Variants in TPRN observed in about 807,000 individuals in gnomAD.
The protein encoded by TPRN is chromosome 9 open reading frame 75.
A neutral mutation model predicts 42.6 loss-of-function variants in TPRN; 32 were observed. That is an observed-to-expected ratio of 0.75 (90% CI 0.57 to 1.01). The LOEUF (loss-of-function observed/expected upper bound fraction) is 1.01, where lower values mean the gene tolerates loss of function less well. Ranked by LOEUF, TPRN falls within the 50% of genes least tolerant of loss-of-function variation. The pLI, the probability that TPRN is intolerant of heterozygous loss-of-function variation, is 0.00. For synonymous variants in TPRN, 541 were observed against 445.6 expected, an observed-to-expected ratio of 1.21 and a Z score of -2.70; for missense variants, 1,095 against 957.5, an observed-to-expected ratio of 1.14 and a Z score of -1.90.
chr9:137,195,808 G>A (rs1007399448), intron 1 of TPRN, among the ~76,000 whole-genome samples: 1 of 152,186 alleles, frequency 6.6e-6, no homozygotes, highest in African/African-American at 2.4e-5. Context: ...AAGCTACAGC[G>A]CCGAGTCTCA....
intron 1 of TPRN, among the ~76,000 whole-genome samples, chr9:137,197,273 A>G (rs571401831): frequency 2.7e-4 from 41 of 151,948 alleles, no homozygotes; most frequent in Admixed American, 7.2e-4. Context: ...TAATTTTTTT[A>G]TATCTTCTTA....
intron 1 of TPRN, among the ~76,000 whole-genome samples, chr9:137,198,149 C>G (rs1407025128): frequency 6.6e-6 from 1 of 152,202 alleles, no homozygotes; most frequent in African/African-American, 2.4e-5. Context: ...CCCCAGGCGC[C>G]CCCCCTCAGT....
At chr9:137,193,728 C>T (rs1033442843) in intron 1 of TPRN, 10 of 152,390 alleles carry the variant, frequency 6.6e-5, no homozygotes, top group African/African-American at 1.9e-4. Context: ...TAAACTCTTC[C>T]TGGGCACAGG....
rs554413595 is a variant in TPRN, at chr9:137,199,450, G to C, written c.1262C>G (p.Pro421Arg). Residue 421 changes from proline (P) to arginine (R), a missense_variant, in exon 1 of 4, where the codon CCC (proline) becomes CGC (arginine). Pro to Arg is a moderately radical substitution (Grantham distance 103). Transcript: ENST00000409012. ...TTCTTCCGAAGCAGCCGGCAGGAAGGGGGGCGGTGAGGACGGCCTCTGCCA... is the reference window on the plus strand; with the variant it reads ...TTCTTCCGAAGCAGCCGGCAGGAAGCGGGGCGGTGAGGACGGCCTCTGCCA... ...IRWQRPSSPP[P>R]FLPAASEEAE... The C allele has an allele frequency of 1.8e-4, 286 of 1,608,096 alleles. 1 individual carries two copies. The highest frequency in any genetic ancestry group is 1.3e-3 in the Admixed American group (80 of 59,422).
chr9:137,195,110 A>C (rs1834686350), intron 1 of TPRN: 1 of 152,520 alleles, frequency 6.6e-6, no homozygotes, highest in Admixed American at 6.5e-5. Flanking sequence ...TGGAGGTGTG[A>C]GCTGAGCCCA....
chr9:137,193,275 G>A (rs1179679296), intron 1 of TPRN: 3 of 158,030 alleles, frequency 1.9e-5, no homozygotes, highest in East Asian at 1.9e-4. Flanking sequence ...GTCAAGGCCA[G>A]GCAGTAGCCT....
At chr9:137,197,987 A>G (rs1327790120) in intron 1 of TPRN, among the ~76,000 whole-genome samples, 2 of 152,204 alleles carry the variant, frequency 1.3e-5, no homozygotes, top group Non-Finnish European at 1.5e-5. Flanking sequence ...GGAAGCAAAC[A>G]GAGGGAGGCA....
At chr9:137,192,220 G>A (rs1464978020) in intron 3 of TPRN, 39 bp downstream of exon 3, 3 of 1,613,176 alleles carry the variant, frequency 1.9e-6, no homozygotes, top group African/African-American at 2.7e-5. Context: ...TCGCCCGGGT[G>A]TCAGACTCCC....
rs1834788783 is a variant in TPRN, at chr9:137,200,401, G to A, written c.311C>T (p.Pro104Leu). 3 of 1,115,536 alleles carry A rather than the reference G, an allele frequency of 2.7e-6. No homozygotes were observed. The highest frequency in any genetic ancestry group is 3.3e-6 in the Non-Finnish European group (3 of 910,860). The allele number at this position is 1,115,536 out of a possible 1,614,324, so 69.1% of individuals were successfully genotyped here. ...GGCGGGCGGCGCGGGCGGGAAGCCG[G>A]GCACCGTCTCGATGATGAGGACGCT... ...ADSVLIIETV[P>L]GFPPAPPAPG... The change falls in exon 1 of 4, where the codon CCC (proline) becomes CTC (leucine). Residue 104 changes from proline to leucine, a missense_variant. Pro to Leu is a moderately conservative substitution (Grantham distance 98, BLOSUM62 -3). Transcript: ENST00000409012. The surrounding 1 kb of genome is among the most constrained non-coding windows in gnomAD (Gnocchi z 4.3).
chr9:137,195,432 G>A, intron 1 of TPRN, among the ~76,000 whole-genome samples: 1 of 152,200 alleles, frequency 6.6e-6, no homozygotes, highest in Admixed American at 6.5e-5. Context: ...AAACTGACAA[G>A]AAGGGACTCA....
In TPRN at chr9:137,200,120, G is replaced by A. The variant is rs1457505046; in HGVS notation, c.592C>T (p.Gln198Ter). The A allele has an allele frequency of 3.2e-6, 4 of 1,245,164 alleles. No homozygotes were observed. Among genetic ancestry groups the A allele is most frequent in the Non-Finnish European group, 4.0e-6 (4 of 995,364 alleles). 77.1% of individuals were successfully genotyped at this position (1,245,164 alleles called of 1,614,324 possible). Residue 198 changes from glutamine (Q) to a stop codon, truncating the protein, a stop_gained, in exon 1 of 4, where the codon CAG (glutamine) becomes TAG (stop). Transcript: ENST00000409012. LOFTEE classifies it high-confidence loss of function. This position sits in a 1 kb window ranked among gnomAD's most constrained non-coding sequence, Gnocchi z 4.3. Reference sequence around the variant, plus strand: ...GTGAAGGAGTTGCTGCCGGTCTTCTGGAGGAAGTCGCTGCGCCGGGCCCCG... The same window carrying A: ...GTGAAGGAGTTGCTGCCGGTCTTCTAGAGGAAGTCGCTGCGCCGGGCCCCG... ...SPGARRSDFLQKTGSNSFTVH... is the reference protein window; with the variant it reads ...SPGARRSDFL
chr9:137,198,468 C>T (rs529584504), intron 1 of TPRN, among the ~76,000 whole-genome samples: 118 of 152,362 alleles, frequency 7.7e-4, no homozygotes, highest in Middle Eastern at 3.4e-3. Context: ...ATGGCCCTCT[C>T]CCAACTGGCT....
Position 137,191,652 on chromosome 9 carries a change from A to C in TPRN, c.*460T>G. 3.2e-6 allele frequency: 1 copy of C among 311,236 alleles called. No homozygotes were observed. Among genetic ancestry groups the C allele is most frequent in the Non-Finnish European group, 6.4e-6 (1 of 156,250 alleles). The allele number at this position is 311,236 out of a possible 1,614,324, so 19.3% of individuals were successfully genotyped here. ...AGTGCTGTTTATTGAGTCCATCATC[A>C]GAGGCAGGAAAGACGCCACTCATCA... is the stretch of plus-strand genomic sequence containing the variant. On this transcript the variant is annotated 3_prime_UTR_variant, in exon 4 of 4. Coordinates refer to ENST00000409012, the MANE Select transcript of TPRN (RefSeq NM_001128228.3).
Position 137,200,523 on chromosome 9 carries a change from C to A in TPRN, c.189G>T (p.Leu63=). The change falls in exon 1 of 4, where the codon CTG becomes CTT. Residue 63 remains leucine (L), a synonymous_variant. Coordinates refer to ENST00000409012, the MANE Select transcript of TPRN (RefSeq NM_001128228.3). This position sits in a 1 kb window ranked among gnomAD's most constrained non-coding sequence, Gnocchi z 4.3. ...LGPLRENPFM[L]LEAERRRGGG... ...CGCCGCGCCGCCGCTCGGCCTCCAG[C>A]AGCATGAACGGGTTCTCGCGCAGCG... 2 of 1,172,248 alleles carry A rather than the reference C, an allele frequency of 1.7e-6. No homozygotes were observed. Among genetic ancestry groups the A allele is most frequent in the Non-Finnish European group, 2.1e-6 (2 of 946,686 alleles). 72.6% of individuals were successfully genotyped at this position (1,172,248 alleles called of 1,614,324 possible).
rs376810326 is a variant in TPRN at position 137,192,572 on chromosome 9, TTCCTCC to T, written c.1839_1844del (p.Glu620_Glu621del). ...CGGATCCCTCTTCCTCCTCTTCCTC[TTCCTCC>T]TCCTCCTCCTCCTCCTCCTCCTGCT... On this transcript the variant is annotated inframe_deletion, in exon 2 of 4. Transcript: ENST00000409012. 1,067 of 1,608,372 alleles carry T rather than the reference TTCCTCC, an allele frequency of 6.6e-4. 2 individuals are homozygous for T. In the East Asian group the frequency reaches 8.3e-3, roughly 13 times the overall value.
chr9:137,198,766 A>G (rs1234677630), intron 1 of TPRN, among the ~76,000 whole-genome samples: 2 of 152,222 alleles, frequency 1.3e-5, no homozygotes, highest in African/African-American at 4.8e-5. Context: ...CAGCCTGGCA[A>G]GGCACACAGC....
Position 137,192,590 on chromosome 9 carries a change from C to T in TPRN, c.1827G>A (p.Glu609=), listed in dbSNP as rs376313860. The T allele has an allele frequency of 3.1e-6, 5 of 1,612,990 alleles. No individual in the cohort carries two copies. The South Asian group carries it at 3.3e-5, about 11-fold the overall frequency. ...QEEEVDQQEE[E]EEEEEEEEEE... The stretch of plus-strand genomic sequence containing the variant: ...CTTCCTCTTCCTCCTCCTCCTCCTC[C>T]TCCTCCTCCTGCTGGTCCACCTCTT... Residue 609 remains glutamate (E), a synonymous_variant, in exon 2 of 4, where the codon GAG becomes GAA. Transcript: ENST00000409012.
Position 137,200,149 on chromosome 9 carries a change from C to A in TPRN, c.563G>T (p.Ser188Ile), listed in dbSNP as rs1354154820. The A allele has an allele frequency of 1.6e-5, 20 of 1,215,202 alleles. No individual in the cohort carries two copies. The East Asian group carries it at 3.9e-4, about 24-fold the overall frequency. 75.3% of individuals were successfully genotyped at this position (1,215,202 alleles called of 1,614,324 possible). A position where few individuals can be genotyped will look rare whatever the true frequency, so the allele number is the denominator to read the frequency against. The change falls in exon 1 of 4, where the codon AGC becomes ATC. Residue 188 changes from serine (S) to isoleucine (I), a missense_variant. By Grantham distance (142) the Ser-to-Ile change is moderately radical. Transcript: ENST00000409012. The surrounding 1 kb of genome is among the most constrained non-coding windows in gnomAD (Gnocchi z 4.3). ...GAAGTCGCTGCGCCGGGCCCCGGGG[C>A]TCGCCCCGCCACCGCGGGGCCCGGG... is the stretch of plus-strand genomic sequence containing the variant. Reference protein sequence around the residue: ...AAPGPRGGGASPGARRSDFLQ... With the variant: ...AAPGPRGGGAIPGARRSDFLQ...
chr9:137,192,113 C>CA lies in TPRN; in HGVS notation c.2134dup (p.Ter712LeufsTer22). 6.2e-7 allele frequency: 1 copy of CA among 1,612,986 alleles called. No homozygotes were observed. Among genetic ancestry groups the CA allele is most frequent in the Non-Finnish European group, 8.5e-7 (1 of 1,179,998 alleles). ...GCCTTGGTCCTGGCAGTGCTGGGCT[C>CA]AGAAATACAGGGCTGGCTCGCTGCG... On this transcript the variant is annotated frameshift_variant and stop_lost, in exon 4 of 4. Transcript: ENST00000409012. LOFTEE classifies it high-confidence loss of function.
Sources: allele counts gnomAD v4.1 joint callset (sites outside exome capture counted in the v4.1 genomes callset), GRCh38; gene constraint gnomAD v4.1.1; non-coding constraint Gnocchi (gnomAD v3.1); transcripts MANE v1.5; gene names NCBI Gene and HGNC (gene_info 2026-07-23, HGNC 2026-07-21).